THRB: variants seen among roughly 807,000 people sequenced by gnomAD.
The protein encoded by THRB is nuclear receptor subfamily 1 group A member 2.
A neutral mutation model predicts 47.8 loss-of-function variants in THRB; 12 were observed. The observed-to-expected ratio is 0.25, with a 90% CI of 0.16 to 0.41. The LOEUF is 0.41. Among genes scored for constraint, THRB ranks in the 10% least tolerant of loss-of-function variants. THRB has a pLI of 1.00. For synonymous variants in THRB, 218 were observed against 212.2 expected, an observed-to-expected ratio of 1.03 and a Z score of -0.24; for missense variants, 348 against 589.2, an observed-to-expected ratio of 0.59 and a Z score of 4.24.
chr3:24,161,231 A>T (rs1409609168), intron 5 of THRB, among the ~76,000 whole-genome samples: 1 of 152,256 alleles, frequency 6.6e-6, no homozygotes, highest in Non-Finnish European at 1.5e-5. Context: ...TGTGTGTGGC[A>T]GTACCTAATT....
At chr3:24,418,887 C>A (rs2068987514) in intron 1 of THRB, among the ~76,000 whole-genome samples, 1 of 151,928 alleles carries the variant, frequency 6.6e-6, no homozygotes, top group Non-Finnish European at 1.5e-5. Flanking sequence ...ACAGTAATGG[C>A]TGTTCAGTCA....
At chr3:24,149,741 A>T (rs534261397) in intron 6 of THRB, among the ~76,000 whole-genome samples, 1 of 152,172 alleles carries the variant, frequency 6.6e-6, no homozygotes, top group East Asian at 1.9e-4. Flanking sequence ...TTGATGTATG[A>T]TAAGGAACCA....
chr3:24,336,722 C>CCT (rs1167185445), intron 2 of THRB, among the ~76,000 whole-genome samples: 4 of 135,960 alleles, frequency 2.9e-5, no homozygotes, highest in Non-Finnish European at 3.2e-5. Flanking sequence ...AATTCTCATG[C>CCT]TTTTTTTTTT....
chr3:24,417,694 A>G (rs1300103448), intron 1 of THRB, among the ~76,000 whole-genome samples: 4 of 151,906 alleles, frequency 2.6e-5, no homozygotes, highest in Non-Finnish European at 5.9e-5. Flanking sequence ...TTGATTAGCT[A>G]TACTTCAAAA....
Position 24,442,558 on chromosome 3 carries a change from C to G in THRB, c.-261+52094G>C, listed in dbSNP as rs148430595. ...ACTAAGGTCTAGCCAGGCGCAGTGG[C>G]TCACGCCTGTAATCCCAGCACTTTG... On this transcript the variant is annotated intron_variant, in intron 1 of 10. Transcript: ENST00000646209. Among the ~76,000 whole-genome samples, 928 of 152,362 alleles carry G rather than the reference C, an allele frequency of 6.1e-3. 10 individuals are homozygous for G. Among genetic ancestry groups the G allele is most frequent in the African/African-American group, 0.021 (877 of 41,590 alleles).
Position 24,122,684 on chromosome 3 carries a change from G to T in THRB, c.*200C>A. On this transcript the variant is annotated 3_prime_UTR_variant, in exon 11 of 11. Transcript: ENST00000646209. ...AAACCTTCAGAGCATTCACATCACA[G>T]GACCGGAGAACGAAATGCAATAGTT... The T allele has an allele frequency of 1.5e-6, 1 of 676,318 alleles. No individual in the cohort carries two copies. Among genetic ancestry groups the T allele is most frequent in the Non-Finnish European group, 2.5e-6 (1 of 399,534 alleles). 41.9% of individuals were successfully genotyped at this position (676,318 alleles called of 1,614,324 possible). A position where few individuals can be genotyped will look rare whatever the true frequency, so the allele number is the denominator to read the frequency against.
At chr3:24,390,795 A>ATATATATAT (rs60435781) in intron 1 of THRB, among the ~76,000 whole-genome samples, 7 of 59,158 alleles carry the variant, frequency 1.2e-4, no homozygotes, top group East Asian at 9.5e-4. Context: ...AAAAAAAAAA[A>ATATATATAT]AAATATATAT....
chr3:24,245,835 C>A (rs2050058348), intron 3 of THRB, among the ~76,000 whole-genome samples: 1 of 152,180 alleles, frequency 6.6e-6, no homozygotes, highest in Admixed American at 6.5e-5. Flanking sequence ...ATCACTTGAA[C>A]CTGGGAGGCA....
chr3:24,421,437 A>G (rs990592499), intron 1 of THRB, among the ~76,000 whole-genome samples: 1 of 151,738 alleles, frequency 6.6e-6, no homozygotes, highest in African/African-American at 2.4e-5. Context: ...GTGTAGGTGA[A>G]AAGAGATTAA....
intron 3 of THRB, among the ~76,000 whole-genome samples, chr3:24,273,769 G>T (rs1203025085): frequency 6.6e-6 from 1 of 152,104 alleles, no homozygotes; most frequent in African/African-American, 2.4e-5. Flanking sequence ...CATTGCGGTA[G>T]AGCACAATAC....
intron 1 of THRB, among the ~76,000 whole-genome samples, chr3:24,339,898 C>A (rs968074215): frequency 6.6e-6 from 1 of 152,172 alleles, no homozygotes; most frequent in Non-Finnish European, 1.5e-5. Context: ...GTGTTCTTTG[C>A]ACATTTTTAA....
intron 3 of THRB, among the ~76,000 whole-genome samples, chr3:24,253,930 G>A (rs1017357510): frequency 3.0e-4 from 45 of 151,310 alleles, no homozygotes; most frequent in African/African-American, 1.0e-3. Context: ...CACCGAGAGA[G>A]AACCAGTTGT....
chr3:24,194,621 G>GGTC lies in THRB; in HGVS notation c.23-4288_23-4287insGAC, dbSNP rs2043753206. 2.6e-5 allele frequency among the ~76,000 whole-genome samples: 4 copies of GGTC among 152,156 alleles called. No individual in the cohort carries two copies. The South Asian group carries it at 8.3e-4, about 32-fold the overall frequency. ...TTGAATGATTAGGTTTGCATTCGAT[G>GGTC]ACCATCATTCTGATGGCTTTGATTG... On this transcript the variant is annotated intron_variant, in intron 4 of 10. Transcript: ENST00000646209.
chr3:24,399,228 TAAA>T (rs77046673), intron 1 of THRB, among the ~76,000 whole-genome samples: 2 of 137,446 alleles, frequency 1.5e-5, no homozygotes, highest in African/African-American at 5.4e-5. Context: ...AAAGTATAAT[TAAA>T]AAAAAAAAAA....
chr3:24,305,012 G>A (rs1454419155), intron 2 of THRB, among the ~76,000 whole-genome samples: 6 of 152,106 alleles, frequency 3.9e-5, no homozygotes, highest in Non-Finnish European at 5.9e-5. Flanking sequence ...TTAAATGGGG[G>A]GAAGAAGTAT....
At chr3:24,313,282 G>C (rs571407056) in intron 2 of THRB, among the ~76,000 whole-genome samples, 92 of 152,258 alleles carry the variant, frequency 6.0e-4, no homozygotes, top group Non-Finnish European at 1.0e-3. Context: ...CTTTTCAGGA[G>C]TATGTGCTGA....
intron 1 of THRB, among the ~76,000 whole-genome samples, chr3:24,414,492 C>CA (rs533280946): frequency 2.0e-5 from 3 of 149,256 alleles, no homozygotes; most frequent in South Asian, 2.1e-4. Context: ...TAATTCAGGC[C>CA]AAAAAAAAAG....
At chr3:24,249,701 G>A (rs2050468889) in intron 3 of THRB, among the ~76,000 whole-genome samples, 1 of 151,998 alleles carries the variant, frequency 6.6e-6, no homozygotes, top group African/African-American at 2.4e-5. Context: ...CCAGGAGTGA[G>A]TCTATGAAAA....
At chr3:24,212,595 A>AAAG (rs1553646052) in intron 4 of THRB, among the ~76,000 whole-genome samples, 6 of 150,394 alleles carry the variant, frequency 4.0e-5, no homozygotes, top group Admixed American at 2.0e-4. Flanking sequence ...AAAAAAAAAA[A>AAAG]AAAGAAAGAA....
Sources: gnomAD v4.1 joint callset for allele counts (sites outside exome capture counted in the v4.1 genomes callset) on GRCh38, gnomAD v4.1.1 for gene constraint, MANE v1.5 for transcripts, NCBI Gene and HGNC (gene_info 2026-07-23, HGNC 2026-07-21) for gene names.